Variants in KCNQ5 observed in about 807,000 individuals in gnomAD.
KCNQ5 encodes the protein potassium voltage-gated channel subfamily KQT member 5.
A neutral mutation model predicts 98.2 loss-of-function variants in KCNQ5; 30 were observed. The observed-to-expected ratio is 0.31, with a 90% CI of 0.23 to 0.41. The LOEUF is 0.41. Ranked by LOEUF, KCNQ5 falls within the 10% of genes least tolerant of loss-of-function variation. The pLI, the probability that KCNQ5 is intolerant of heterozygous loss-of-function variation, is 1.00. For synonymous variants in KCNQ5, 458 were observed against 449.4 expected (o/e 1.02, Z -0.24); for missense variants, 835 against 1,182.5 (o/e 0.71, Z 4.31).
At chr6:72,839,155 T>C (rs1776671687) in intron 1 of KCNQ5, among the ~76,000 whole-genome samples, 1 of 115,024 alleles carries the variant, frequency 8.7e-6, no homozygotes, top group Non-Finnish European at 1.9e-5. Flanking sequence ...TTCTGGACTG[T>C]GTATTTGACT....
intron 1 of KCNQ5, among the ~76,000 whole-genome samples, chr6:72,900,195 A>G (rs894513283): frequency 6.6e-6 from 1 of 151,944 alleles, no homozygotes; most frequent in Non-Finnish European, 1.5e-5. Flanking sequence ...ATCAGTGAGA[A>G]CATATGATGA....
At chr6:72,838,180 G>A (rs1776598612) in intron 1 of KCNQ5, among the ~76,000 whole-genome samples, 1 of 136,858 alleles carries the variant, frequency 7.3e-6, no homozygotes, top group Non-Finnish European at 1.5e-5. Flanking sequence ...ACCACCCTCT[G>A]TCACCAACTC....
intron 3 of KCNQ5, among the ~76,000 whole-genome samples, chr6:73,059,737 A>G (rs1020567083): frequency 2.0e-5 from 3 of 152,018 alleles, no homozygotes; most frequent in African/African-American, 7.2e-5. Context: ...CGAAATGTAT[A>G]TTTTACCACT....
At chr6:72,882,712 T>G (rs1778680993) in intron 1 of KCNQ5, among the ~76,000 whole-genome samples, 1 of 152,244 alleles carries the variant, frequency 6.6e-6, no homozygotes, top group South Asian at 2.1e-4. Flanking sequence ...GGAGTCATTA[T>G]GTACATGGAT....
intron 1 of KCNQ5, among the ~76,000 whole-genome samples, chr6:72,753,478 T>C (rs1267422869): frequency 6.6e-6 from 1 of 152,088 alleles, no homozygotes; most frequent in Non-Finnish European, 1.5e-5. Flanking sequence ...CTTGATTGTA[T>C]AGTAAGTGTA....
chr6:72,828,789 C>G (rs1759286971), intron 1 of KCNQ5, among the ~76,000 whole-genome samples: 1 of 152,142 alleles, frequency 6.6e-6, no homozygotes, highest in South Asian at 2.1e-4. Flanking sequence ...TCTAATTGCT[C>G]TGGCTAGTAC....
rs146810827 is a variant in KCNQ5, at chr6:73,185,460, G to A, written c.1578-5113G>A. On this transcript the variant is annotated intron_variant, in intron 11 of 13. Transcript: ENST00000370398. ...GCCCCCCAAAGTGCTGTGATTACATGTGTAAGCCACCACACCTGGCCAAAA... is the reference window on the plus strand; with the variant it reads ...GCCCCCCAAAGTGCTGTGATTACATATGTAAGCCACCACACCTGGCCAAAA... Among the ~76,000 whole-genome samples, 311 of 152,320 alleles carry A rather than the reference G, an allele frequency of 2.0e-3. 1 individual carries two copies. The highest frequency in any genetic ancestry group is 7.2e-3 in the African/African-American group (299 of 41,570).
At chr6:72,796,913 A>G (rs1421649632) in intron 1 of KCNQ5, among the ~76,000 whole-genome samples, 2 of 152,214 alleles carry the variant, frequency 1.3e-5, no homozygotes, top group Non-Finnish European at 2.9e-5. Context: ...AATGAATATA[A>G]TGAGATTATT....
chr6:73,062,841 C>T (rs1458149794), intron 3 of KCNQ5, among the ~76,000 whole-genome samples: 1 of 152,118 alleles, frequency 6.6e-6, no homozygotes, highest in East Asian at 1.9e-4. Flanking sequence ...CTGCCTTTTG[C>T]AAAATGTTTT....
intron 1 of KCNQ5, among the ~76,000 whole-genome samples, chr6:72,910,562 G>A (rs1435033676): frequency 5.1e-5 from 1 of 19,696 alleles, no homozygotes; most frequent in Non-Finnish European, 1.7e-4. Flanking sequence ...AAAGGTAGGG[G>A]GGTGTGTGTG....
intron 1 of KCNQ5, among the ~76,000 whole-genome samples, chr6:72,855,194 T>A (rs563223764): frequency 6.6e-6 from 1 of 152,244 alleles, no homozygotes; most frequent in Non-Finnish European, 1.5e-5. Flanking sequence ...TGGACCAAAT[T>A]TTTTTAAACC....
intron 1 of KCNQ5, among the ~76,000 whole-genome samples, chr6:72,752,553 A>T (rs1384541421): frequency 6.6e-6 from 1 of 152,116 alleles, no homozygotes; most frequent in Non-Finnish European, 1.5e-5. Context: ...ACCCATTGAT[A>T]TGAGCAATCA....
chr6:72,893,660 T>C (rs867463611), intron 1 of KCNQ5, among the ~76,000 whole-genome samples: 3 of 152,194 alleles, frequency 2.0e-5, no homozygotes, highest in Non-Finnish European at 4.4e-5. Context: ...TAATAATGAA[T>C]TTAGACCTAT....
rs1339324819 is a variant in KCNQ5 at position 72,679,795 on chromosome 6, T to C, written c.398+57208T>C. On this transcript the variant is annotated intron_variant, in intron 1 of 13. Transcript: ENST00000370398. ...TGGCTCACGTCTGTAATCCCCACTT[T>C]GGGAGGCTGAGGTGGGCAGATCGCC... 3.3e-5 allele frequency among the ~76,000 whole-genome samples: 5 copies of C among 152,276 alleles called. No homozygotes were observed. The East Asian group carries it at 9.6e-4, about 29-fold the overall frequency.
At position 73,184,196 on chromosome 6, in the gene KCNQ5, G is replaced by C. The variant is rs142700571; in HGVS notation, c.1578-6377G>C. Reference sequence around the variant, plus strand: ...TCTCCTTATTTCCTCAAAATGATATGTTGTTGCTTGCAATGCTGTTGCTTT... The same window carrying C: ...TCTCCTTATTTCCTCAAAATGATATCTTGTTGCTTGCAATGCTGTTGCTTT... On this transcript the variant is annotated intron_variant, in intron 11 of 13. Transcript: ENST00000370398. Among the ~76,000 whole-genome samples the C allele has an allele frequency of 1.0e-3, 154 of 152,204 alleles. 1 individual carries two copies. The highest frequency in any genetic ancestry group is 3.3e-3 in the African/African-American group (137 of 41,530).
intron 10 of KCNQ5, among the ~76,000 whole-genome samples, chr6:73,150,951 T>C (rs1392689273): frequency 6.6e-6 from 1 of 151,978 alleles, no homozygotes; most frequent in East Asian, 1.9e-4. Context: ...GGTGTGGCTC[T>C]AAAAGGACAA....
At chr6:72,889,715 C>G (rs373316515) in intron 1 of KCNQ5, among the ~76,000 whole-genome samples, 52 of 152,208 alleles carry the variant, frequency 3.4e-4, no homozygotes, top group African/African-American at 9.4e-4. Context: ...AAATAAGTCC[C>G]CCCTGCATAA....
At chr6:72,918,466 G>C (rs536831201) in intron 1 of KCNQ5, among the ~76,000 whole-genome samples, 1 of 151,826 alleles carries the variant, frequency 6.6e-6, no homozygotes, top group African/African-American at 2.4e-5. Flanking sequence ...TTTTGTGAAC[G>C]TGTCTCAAGA....
At chr6:72,721,005 A>G (rs779715935) in intron 1 of KCNQ5, among the ~76,000 whole-genome samples, 6 of 152,200 alleles carry the variant, frequency 3.9e-5, no homozygotes, top group Non-Finnish European at 8.8e-5. Flanking sequence ...AAATGTATGA[A>G]TTTAGAAGCC....
Sources: gnomAD v4.1 joint callset for allele counts (sites outside exome capture counted in the v4.1 genomes callset) on GRCh38, gnomAD v4.1.1 for gene constraint, MANE v1.5 for transcripts, NCBI Gene and HGNC (gene_info 2026-07-23, HGNC 2026-07-21) for gene names.